The following RLN2 variants were observed in gnomAD, a reference collection of about 807,000 sequenced individuals.
RLN2 encodes the protein relaxin 2, also known as prorelaxin H2.
Under a neutral mutation model 7.3 loss-of-function variants are expected in RLN2, and 10 were observed. The observed-to-expected ratio is 1.36, with a 90% CI of 0.84 to 2.31. The LOEUF is 2.31. RLN2 is among the 30% of genes most tolerant of loss of function. RLN2 has a pLI of 0.00. For synonymous variants in RLN2, 103 were observed against 82.3 expected (o/e 1.25, Z -1.36); for missense variants, 298 against 217.6 (o/e 1.37, Z -2.32).
chr9:5,315,020 C>T, the RLN2 span, among the ~76,000 whole-genome samples: 1 of 151,994 alleles, frequency 6.6e-6, no homozygotes, highest in Admixed American at 6.6e-5. Context: ...GGAAGAAGTG[C>T]TGTTCCACCA....
intron 1 of RLN2, among the ~76,000 whole-genome samples, chr9:5,301,005 C>T (rs923421644): frequency 4.6e-5 from 7 of 152,178 alleles, no homozygotes; most frequent in African/African-American, 1.7e-4. Flanking sequence ...CTCTGATGTT[C>T]CTTAACCATC....
upstream of RLN2, among the ~76,000 whole-genome samples, chr9:5,307,619 C>T (rs142884234): frequency 7.9e-4 from 120 of 152,082 alleles, 1 homozygote; most frequent in African/African-American, 2.8e-3. Context: ...TGGGCTCTGC[C>T]GAGCTGCTTT....
upstream of RLN2, among the ~76,000 whole-genome samples, chr9:5,307,850 C>T (rs1816282457): frequency 6.6e-6 from 1 of 151,990 alleles, no homozygotes; most frequent in Non-Finnish European, 1.5e-5. Flanking sequence ...TAGGGCTTTG[C>T]CAACAGTTGT....
upstream of RLN2, among the ~76,000 whole-genome samples, chr9:5,306,096 GTTTTTGT>G (rs1233666730): frequency 7.6e-4 from 95 of 125,826 alleles, 3 homozygotes; most frequent in East Asian, 0.015. Flanking sequence ...GGATTTCTTT[GTTTTTGT>G]TTTTTGTTTT....
In RLN2 at chr9:5,300,348, G is replaced by T; in HGVS notation, c.308C>A (p.Ser103Tyr). 1 of 1,613,870 alleles carries T rather than the reference G, an allele frequency of 6.2e-7. No homozygotes were observed. Among genetic ancestry groups the T allele is most frequent in the Non-Finnish European group, 8.5e-7 (1 of 1,179,830 alleles). ...CTGTGGTAATGCTGGCTGCATCTCA[G>T]ACAGGGTTAACTTCAGCTCCTGTGG... Reference protein sequence around the residue: ...NLPQELKLTLSEMQPALPQLQ... With the variant: ...NLPQELKLTLYEMQPALPQLQ... The change falls in exon 2 of 2, where the codon TCT becomes TAT. Residue 103 changes from serine (S) to tyrosine (Y), a missense_variant. Physicochemically the swap from Ser to Tyr is moderately radical, Grantham distance 144. Transcript: ENST00000381627.
At chr9:5,305,692 A>G (rs1453829355), upstream of RLN2, among the ~76,000 whole-genome samples, 1 of 152,040 alleles carries the variant, frequency 6.6e-6, no homozygotes, top group Non-Finnish European at 1.5e-5. Flanking sequence ...TTCATAATAT[A>G]CTCAGATTAG....
At chr9:5,321,094 T>A in the RLN2 span, among the ~76,000 whole-genome samples, 6 of 152,162 alleles carry the variant, frequency 3.9e-5, no homozygotes, top group Non-Finnish European at 7.4e-5. Context: ...TAAAGCAGAA[T>A]TTTTGAAAAT....
chr9:5,331,127 G>A, the RLN2 span, among the ~76,000 whole-genome samples: 1 of 151,956 alleles, frequency 6.6e-6, no homozygotes, highest in East Asian at 1.9e-4. Context: ...ACCAAAAAAT[G>A]TCCAGGACCA....
At chr9:5,312,022 A>T in the RLN2 span, among the ~76,000 whole-genome samples, 1 of 151,910 alleles carries the variant, frequency 6.6e-6, no homozygotes, top group African/African-American at 2.4e-5. Flanking sequence ...TTTTTTTTTA[A>T]GCTATGTTGT....
the RLN2 span, among the ~76,000 whole-genome samples, chr9:5,328,666 G>C: frequency 1.3e-5 from 2 of 151,972 alleles, no homozygotes; most frequent in Non-Finnish European, 2.9e-5. Context: ...AGAGAGAAAG[G>C]TCAGGTTACC....
the RLN2 span, among the ~76,000 whole-genome samples, chr9:5,337,777 C>A: frequency 1.3e-5 from 2 of 152,062 alleles, no homozygotes; most frequent in Non-Finnish European, 2.9e-5. Flanking sequence ...AAAGAAAATT[C>A]TTTAAAAATA....
chr9:5,334,544 A>T, the RLN2 span, among the ~76,000 whole-genome samples: 1 of 151,998 alleles, frequency 6.6e-6, no homozygotes, highest in East Asian at 1.9e-4. Context: ...AGTGAACATA[A>T]GGTATGTTCC....
At chr9:5,315,819 T>C in the RLN2 span, among the ~76,000 whole-genome samples, 2 of 151,924 alleles carry the variant, frequency 1.3e-5, 1 homozygote, top group South Asian at 4.2e-4. Flanking sequence ...AGAAAAAAAT[T>C]TTCAGGTGAG....
the RLN2 span, among the ~76,000 whole-genome samples, chr9:5,325,175 G>A: frequency 2.0e-3 from 309 of 151,922 alleles, 7 homozygotes; most frequent in African/African-American, 7.2e-3. Flanking sequence ...ACAGGTGGCC[G>A]ATAGGGGAAT....
At chr9:5,302,844 G>C (rs550209785) in intron 1 of RLN2, among the ~76,000 whole-genome samples, 2 of 115,870 alleles carry the variant, frequency 1.7e-5, no homozygotes, top group South Asian at 6.1e-4. Context: ...ATAATGGTGA[G>C]TGAAAATGCA....
the RLN2 span, among the ~76,000 whole-genome samples, chr9:5,314,814 A>G: frequency 2.0e-5 from 3 of 152,060 alleles, no homozygotes; most frequent in African/African-American, 7.2e-5. Flanking sequence ...TCTATGTCCC[A>G]CTATCCCCAG....
the RLN2 span, among the ~76,000 whole-genome samples, chr9:5,316,810 G>A: frequency 6.6e-6 from 1 of 151,986 alleles, no homozygotes; most frequent in Non-Finnish European, 1.5e-5. Context: ...TATATACCCA[G>A]TAATAGGATT....
the RLN2 span, among the ~76,000 whole-genome samples, chr9:5,328,606 T>A: frequency 6.6e-6 from 1 of 151,696 alleles, no homozygotes. Context: ...AGACACATAA[T>A]TGTCAGATTC....
chr9:5,304,357 C>CGGG lies in RLN2; in HGVS notation c.211+10_211+12dup, dbSNP rs1816192729. 6.4e-7 allele frequency: 1 copy of CGGG among 1,559,146 alleles called. No homozygotes were observed. The highest frequency in any genetic ancestry group is 1.5e-5 in the African/African-American group (1 of 67,742). ...GAAGCGCGGGAAGGCCGGGAGGGGG[C>CGGG]GGGAGCTCTCACCTGCCACTGGTCT... is the stretch of plus-strand genomic sequence containing the variant. On this transcript the variant is annotated intron_variant, in intron 1 of 1. Coordinates refer to ENST00000381627, the MANE Select transcript of RLN2 (RefSeq NM_134441.3).
Sources: allele counts gnomAD v4.1 joint callset (sites outside exome capture counted in the v4.1 genomes callset), GRCh38; gene constraint gnomAD v4.1.1; transcripts MANE v1.5; gene names NCBI Gene and HGNC (gene_info 2026-07-23, HGNC 2026-07-21).